Variants in FLRT2 observed in about 807,000 individuals in gnomAD.
FLRT2 encodes the protein fibronectin leucine rich transmembrane protein 2.
FLRT2 carries 15 observed loss-of-function variants against 40.0 expected under a neutral mutation model. That is an observed-to-expected ratio of 0.38 (90% confidence interval 0.25 to 0.58). The LOEUF (loss-of-function observed/expected upper bound fraction) is 0.58. Ranked by LOEUF, FLRT2 falls within the 20% of genes least tolerant of loss-of-function variation. The probability of loss-of-function intolerance (pLI) is 0.71; values close to 1 mark genes in which losing one functional copy is unlikely to be tolerated. For synonymous variants in FLRT2, 380 were observed against 336.8 expected (o/e 1.13, Z -1.41); for missense variants, 726 against 840.0 (o/e 0.86, Z 1.68).
Position 85,629,473 on chromosome 14 carries a change from C to T in FLRT2, c.*5976C>T, listed in dbSNP as rs544853478. 6.6e-6 allele frequency: 1 copy of T among 152,260 alleles called. No individual in the cohort carries two copies. Among genetic ancestry groups the T allele is most frequent in the South Asian group, 2.1e-4 (1 of 4,818 alleles). The allele number at this position is 152,260 out of a possible 1,614,324, so 9.4% of individuals were successfully genotyped here. On this transcript the variant is annotated 3_prime_UTR_variant, in exon 2 of 2. Transcript: ENST00000330753. The stretch of plus-strand genomic sequence containing the variant: ...AATGGCACCTGATAATTACTAACAA[C>T]CTTTGTTTATATAAGACCTTGTGCA...
At chr14:85,548,465 A>G (rs548372087) in intron 1 of FLRT2, among the ~76,000 whole-genome samples, 1 of 152,358 alleles carries the variant, frequency 6.6e-6, no homozygotes, top group South Asian at 2.1e-4. Flanking sequence ...CCTCTAGGCA[A>G]GAACAAATAG....
At chr14:85,544,001 G>A (rs552690880) in intron 1 of FLRT2, among the ~76,000 whole-genome samples, 271 of 152,220 alleles carry the variant, frequency 1.8e-3, no homozygotes, top group African/African-American at 6.2e-3. Flanking sequence ...CCAGTGTACC[G>A]CATTCTGCAA....
In FLRT2 at chr14:85,629,555, T is replaced by C. The variant is rs1045886941; in HGVS notation, c.*6058T>C. 2 of 152,220 alleles carry C rather than the reference T, an allele frequency of 1.3e-5. No individual in the cohort carries two copies. The highest frequency in any genetic ancestry group is 4.8e-5 in the African/African-American group (2 of 41,462). 9.4% of individuals were successfully genotyped at this position (152,220 alleles called of 1,614,324 possible). On this transcript the variant is annotated 3_prime_UTR_variant, in exon 2 of 2. Coordinates refer to ENST00000330753, the MANE Select transcript of FLRT2 (RefSeq NM_013231.6). ...CTTTAAAATAACCCTGTAAGGTGCG[T>C]TATTTTAATTTTTAGATTTTAAAAC... is the stretch of plus-strand genomic sequence containing the variant.
intron 1 of FLRT2, chr14:85,562,881 C>T (rs1276106897): frequency 6.6e-6 from 1 of 151,994 alleles, no homozygotes; most frequent in African/African-American, 2.4e-5. Flanking sequence ...GAGGGAAAAT[C>T]AATGGATTGT....
At chr14:85,539,768 G>A (rs182561963) in intron 1 of FLRT2, among the ~76,000 whole-genome samples, 17 of 152,232 alleles carry the variant, frequency 1.1e-4, no homozygotes, top group African/African-American at 4.1e-4. Context: ...ATTTATCACT[G>A]CATGCCTGTC....
chr14:85,568,700 G>T (rs193178789), intron 1 of FLRT2, among the ~76,000 whole-genome samples: 54 of 152,194 alleles, frequency 3.5e-4, no homozygotes, highest in Non-Finnish European at 1.3e-4. Flanking sequence ...AATTAATGAG[G>T]CCACTTCACT....
intron 1 of FLRT2, among the ~76,000 whole-genome samples, chr14:85,570,391 T>C (rs1214423719): frequency 6.6e-6 from 1 of 152,160 alleles, no homozygotes; most frequent in Admixed American, 6.5e-5. Flanking sequence ...GATTACAGTA[T>C]TAGAAGTATC....
Position 85,648,357 on chromosome 14 carries a change from T to C in FLRT2, c.*24860T>C, listed in dbSNP as rs1894357866. ...CCACATGTGCATTTCCCAGAGTCCC[T>C]TGTTGCTAGGGGGCTGAATGCGAAC... is the stretch of plus-strand genomic sequence containing the variant. On this transcript the variant is annotated 3_prime_UTR_variant, in exon 2 of 2. Coordinates refer to ENST00000330753, the MANE Select transcript of FLRT2 (RefSeq NM_013231.6). The C allele has an allele frequency of 6.6e-6, 1 of 152,168 alleles. No homozygotes were observed. The highest frequency in any genetic ancestry group is 2.4e-5 in the African/African-American group (1 of 41,446). 9.4% of individuals were successfully genotyped at this position (152,168 alleles called of 1,614,324 possible).
chr14:85,622,551 G>A lies in FLRT2; in HGVS notation c.1037G>A (p.Arg346Gln). The A allele has an allele frequency of 1.9e-6, 3 of 1,613,758 alleles. No individual in the cohort carries two copies. The highest frequency in any genetic ancestry group is 2.5e-6 in the Non-Finnish European group (3 of 1,179,980). The change falls in exon 2 of 2, where the codon CGG becomes CAG. Residue 346 changes from arginine (R) to glutamine (Q), a missense_variant. Transcript: ENST00000330753. ...GFMCQGPEQV[R>Q]GMAVRELNMN... ...ATGTGCCAAGGTCCTGAACAAGTCC[G>A]GGGGATGGCCGTCAGGGAATTAAAT...
In FLRT2 at chr14:85,621,734, C is replaced by A; in HGVS notation, c.220C>A (p.Gln74Lys). The A allele has an allele frequency of 6.2e-7, 1 of 1,614,208 alleles. No individual in the cohort carries two copies. Among genetic ancestry groups the A allele is most frequent in the Non-Finnish European group, 8.5e-7 (1 of 1,180,032 alleles). Residue 74 changes from glutamine to lysine, a missense_variant, in exon 2 of 2, where the codon CAA becomes AAA. This residue lies in a region of FLRT2 where 106 missense variants were observed against 121.2 expected (regional missense o/e 0.87). Coordinates refer to ENST00000330753, the MANE Select transcript of FLRT2 (RefSeq NM_013231.6). ...GVTVLYLHNNQINNAGFPAEL... is the reference protein window; with the variant it reads ...GVTVLYLHNNKINNAGFPAEL... Reference sequence around the variant, plus strand: ...AACTGTACTCTACCTCCACAACAACCAAATTAATAATGCTGGATTTCCTGC... The same window carrying A: ...AACTGTACTCTACCTCCACAACAACAAAATTAATAATGCTGGATTTCCTGC...
chr14:85,574,023 G>A (rs890492080), intron 1 of FLRT2, among the ~76,000 whole-genome samples: 13 of 152,108 alleles, frequency 8.5e-5, no homozygotes, highest in Non-Finnish European at 1.9e-4. Context: ...TGCTTGGCCC[G>A]TAAGAGGCCG....
At chr14:85,613,891 C>T (rs1383536584) in intron 1 of FLRT2, among the ~76,000 whole-genome samples, 1 of 151,988 alleles carries the variant, frequency 6.6e-6, no homozygotes, top group Non-Finnish European at 1.5e-5. Flanking sequence ...TGTATATTAC[C>T]AAAGGAAAGA....
intron 1 of FLRT2, among the ~76,000 whole-genome samples, chr14:85,609,171 G>T (rs1892753967): frequency 6.6e-6 from 1 of 152,164 alleles, no homozygotes; most frequent in African/African-American, 2.4e-5. Flanking sequence ...CAGGAGGACA[G>T]ACCCAGTGGA....
intron 1 of FLRT2, among the ~76,000 whole-genome samples, chr14:85,562,084 A>G (rs561646500): frequency 6.6e-6 from 1 of 152,340 alleles, no homozygotes; most frequent in African/African-American, 2.4e-5. Flanking sequence ...TATGACTAAT[A>G]CCAATGCTTA....
In FLRT2 at chr14:85,636,908, G is replaced by A. The variant is rs1390306691; in HGVS notation, c.*13411G>A. The A allele has an allele frequency of 8.9e-6, 1 of 112,324 alleles. No homozygotes were observed. The highest frequency in any genetic ancestry group is 1.7e-5 in the Non-Finnish European group (1 of 60,600). The allele number at this position is 112,324 out of a possible 1,614,324, so 7.0% of individuals were successfully genotyped here. On this transcript the variant is annotated 3_prime_UTR_variant, in exon 2 of 2. Coordinates refer to ENST00000330753, the MANE Select transcript of FLRT2 (RefSeq NM_013231.6). ...AGTGCCACTGCATTCTAGCCTGGGT[G>A]ACAGAGCGATACTTCGTCTCCAAAA...
chr14:85,606,145 T>C (rs564986950), intron 1 of FLRT2, among the ~76,000 whole-genome samples: 1 of 152,222 alleles, frequency 6.6e-6, no homozygotes, highest in Admixed American at 6.5e-5. Context: ...TTAAAAGGTA[T>C]AAGTGGCATC....
chr14:85,624,229 G>A lies in FLRT2; in HGVS notation c.*732G>A, dbSNP rs879000280. On this transcript the variant is annotated 3_prime_UTR_variant, in exon 2 of 2. Coordinates refer to ENST00000330753, the MANE Select transcript of FLRT2 (RefSeq NM_013231.6). ...TATGTGATAACAGAGTTAGAGACTTGAGTCTGATTTCAGTCATCTTCAGGG... is the reference window on the plus strand; with the variant it reads ...TATGTGATAACAGAGTTAGAGACTTAAGTCTGATTTCAGTCATCTTCAGGG... 1.8e-5 allele frequency: 3 copies of A among 167,062 alleles called. No individual in the cohort carries two copies. Among genetic ancestry groups the A allele is most frequent in the Admixed American group, 6.5e-5 (1 of 15,278 alleles). The allele number at this position is 167,062 out of a possible 1,614,324, so 10.3% of individuals were successfully genotyped here. A position where few individuals can be genotyped will look rare whatever the true frequency, so the allele number is the denominator to read the frequency against.
chr14:85,605,518 C>A (rs903716873), intron 1 of FLRT2, among the ~76,000 whole-genome samples: 2 of 152,196 alleles, frequency 1.3e-5, no homozygotes, highest in Admixed American at 6.5e-5. Context: ...CGCCTGTAAT[C>A]CCAGCACTTT....
Position 85,622,153 on chromosome 14 carries a change from G to C in FLRT2, c.639G>C (p.Gly213=), listed in dbSNP as rs1311634644. 2 of 1,614,086 alleles carry C rather than the reference G, an allele frequency of 1.2e-6. No individual in the cohort carries two copies. Among genetic ancestry groups the C allele is most frequent in the Non-Finnish European group, 1.7e-6 (2 of 1,180,018 alleles). The change falls in exon 2 of 2, where the codon GGG becomes GGC. Residue 213 remains glycine, a synonymous_variant. Transcript: ENST00000330753. ...LTSLERLIVD[G]NLLTNKGIAE... ...GCTTGGAGCGTCTTATTGTGGACGG[G>C]AACCTCCTGACCAACAAGGGTATCG... is the stretch of plus-strand genomic sequence containing the variant.
Sources: gnomAD v4.1 joint callset for allele counts (sites outside exome capture counted in the v4.1 genomes callset) on GRCh38, gnomAD v4.1.1 for gene constraint, gnomAD v4.1.1 regional missense constraint, MANE v1.5 for transcripts, NCBI Gene and HGNC (gene_info 2026-07-23, HGNC 2026-07-21) for gene names.